VRK3: variants seen among roughly 807,000 people sequenced by gnomAD.
The protein encoded by VRK3 is serine/threonine-protein kinase VRK3.
In VRK3, 50 loss-of-function variants were observed where a neutral mutation model predicts 60.4. That is an observed-to-expected ratio of 0.83 (90% CI 0.66 to 1.05). VRK3 has a LOEUF of 1.05. Among genes scored for constraint, VRK3 ranks in the 50% least tolerant of loss-of-function variants. The pLI, the probability that VRK3 is intolerant of heterozygous loss-of-function variation, is 0.00. For missense variants in VRK3, 549 were observed against 585.3 expected (o/e 0.94, Z 0.64); for synonymous variants, 246 against 227.8 (o/e 1.08, Z -0.72).
intron 9 of VRK3, 68 bp downstream of exon 9, chr19:49,994,746 G>A: frequency 2.1e-6 from 3 of 1,420,314 alleles, no homozygotes; most frequent in South Asian, 1.2e-5. Context: ...AATGACTAAA[G>A]TGCCTGCTAA....
rs778325585 is a variant in VRK3, at chr19:49,979,084, T to G, written c.*10A>C. ...TTAAGCCTCACAAGCTCTTCCCACC[T>G]GGATTCCACCTAGGGCACCATCGGG... On this transcript the variant is annotated splice_region_variant and 3_prime_UTR_variant, in exon 14 of 15. Coordinates refer to ENST00000316763, the MANE Select transcript of VRK3 (RefSeq NM_016440.4). 6.3e-7 allele frequency: 1 copy of G among 1,598,562 alleles called. No individual in the cohort carries two copies. Among genetic ancestry groups the G allele is most frequent in the East Asian group, 2.2e-5 (1 of 44,668 alleles).
At chr19:50,001,253 G>A (rs1263363466) in intron 5 of VRK3, 2 of 182,386 alleles carry the variant, frequency 1.1e-5, no homozygotes, top group Non-Finnish European at 2.3e-5. Context: ...CAGACAGAGG[G>A]GGCCACATGA....
intron 1 of VRK3, among the ~76,000 whole-genome samples, chr19:50,022,302 C>T (rs2077183998): frequency 1.3e-5 from 2 of 152,322 alleles, no homozygotes; most frequent in Admixed American, 1.3e-4. Context: ...AGTCTTTTAA[C>T]CATGTGCCAC....
chr19:50,022,571 A>C (rs1330618690), intron 1 of VRK3, among the ~76,000 whole-genome samples: 1 of 151,892 alleles, frequency 6.6e-6, no homozygotes, highest in African/African-American at 2.4e-5. Flanking sequence ...GGATCACGTG[A>C]GGTTAGGAGT....
intron 3 of VRK3, 32 bp from the exon 4 acceptor site, chr19:50,009,417 G>A (rs767571347): frequency 6.2e-7 from 1 of 1,610,410 alleles, no homozygotes; most frequent in South Asian, 1.1e-5. Context: ...GCAGACTGGA[G>A]TTACAAAGGC....
At chr19:50,011,414 C>G (rs2076991906) in intron 3 of VRK3, among the ~76,000 whole-genome samples, 1 of 152,226 alleles carries the variant, frequency 6.6e-6, no homozygotes, top group African/African-American at 2.4e-5. Context: ...TTGACACTGA[C>G]TAACTCAGCC....
At chr19:50,009,776 G>A (rs987257982) in intron 3 of VRK3, among the ~76,000 whole-genome samples, 2 of 152,126 alleles carry the variant, frequency 1.3e-5, no homozygotes, top group African/African-American at 4.8e-5. Context: ...TAGGATTACA[G>A]GCATGCACCA....
chr19:49,976,968 G>A (rs1002121245), intron 14 of VRK3, among the ~76,000 whole-genome samples, 184 bp from the exon 15 acceptor site: 3 of 152,020 alleles, frequency 2.0e-5, no homozygotes, highest in African/African-American at 7.3e-5. Flanking sequence ...GGCGGGTGGA[G>A]ACTACACACT....
At chr19:49,977,634 A>C (rs1439107034) in intron 14 of VRK3, among the ~76,000 whole-genome samples, 2 of 152,114 alleles carry the variant, frequency 1.3e-5, no homozygotes, top group Admixed American at 1.3e-4. Flanking sequence ...GAAGACTGTG[A>C]CAAGTGACCC....
intron 12 of VRK3, among the ~76,000 whole-genome samples, chr19:49,983,196 T>G (rs2076453705): frequency 7.9e-6 from 1 of 126,750 alleles, no homozygotes; most frequent in African/African-American, 3.0e-5. Flanking sequence ...TCCCCACTCC[T>G]TCCTCCCATT....
At chr19:49,987,322 C>G (rs2076533058) in intron 12 of VRK3, among the ~76,000 whole-genome samples, 2 of 152,082 alleles carry the variant, frequency 1.3e-5, no homozygotes, top group South Asian at 2.1e-4. Context: ...TAGCACTTCC[C>G]TTTTGTGTCC....
chr19:50,020,913 C>T (rs1401837808), intron 1 of VRK3, among the ~76,000 whole-genome samples: 5 of 152,126 alleles, frequency 3.3e-5, no homozygotes, highest in Admixed American at 6.6e-5. Flanking sequence ...AGCAAGGAAC[C>T]GCTGAACAGG....
At chr19:50,006,576 C>T (rs1369018973) in intron 5 of VRK3, among the ~76,000 whole-genome samples, 2 of 151,988 alleles carry the variant, frequency 1.3e-5, no homozygotes, top group Non-Finnish European at 2.9e-5. Context: ...AGGGTTTCAC[C>T]GCGTTAGCCA....
chr19:50,006,985 C>T (rs2076902625), intron 5 of VRK3, among the ~76,000 whole-genome samples: 1 of 152,074 alleles, frequency 6.6e-6, no homozygotes, highest in African/African-American at 2.4e-5. Context: ...TGGTGTTGGC[C>T]CCTGTGCAGA....
intron 6 of VRK3, chr19:50,000,002 A>C (rs1368155251): frequency 6.6e-6 from 1 of 152,118 alleles, no homozygotes; most frequent in Non-Finnish European, 1.5e-5. Flanking sequence ...AGCAGGTGCT[A>C]CCCACCACTA....
chr19:50,019,165 TAAAAAAAAAAAAAAA>T (rs199546751), intron 2 of VRK3: 2 of 79,050 alleles, frequency 2.5e-5, no homozygotes, highest in Non-Finnish European at 5.4e-5. Context: ...ACTCCGTCTC[TAAAAAAAAAAAAAAA>T]AAAAAAAGAA....
At chr19:49,978,979 G>T in intron 14 of VRK3, 104 bp downstream of exon 14, 2 of 1,257,264 alleles carry the variant, frequency 1.6e-6, no homozygotes, top group East Asian at 2.6e-5. Context: ...GCTGGGCCCT[G>T]GTATGAACGT....
chr19:49,996,212 G>A (rs916525104), intron 7 of VRK3, among the ~76,000 whole-genome samples: 2 of 149,984 alleles, frequency 1.3e-5, no homozygotes, highest in East Asian at 3.9e-4. Context: ...CAGCCACCAC[G>A]CCCGGCCTTT....
Position 50,000,839 on chromosome 19 carries a change from G to A in VRK3, c.563C>T (p.Thr188Ile), listed in dbSNP as rs1352435027. 2 of 1,613,824 alleles carry A rather than the reference G, an allele frequency of 1.2e-6. No homozygotes were observed. The highest frequency in any genetic ancestry group is 1.3e-5 in the African/African-American group (1 of 74,908). The change falls in exon 6 of 15, where the codon ACC (threonine) becomes ATC (isoleucine). Residue 188 changes from threonine (T) to isoleucine (I), a missense_variant. Transcript: ENST00000316763. ...GILYEAAPTS[T>I]LTCDSGPQKQ... ...CTGTGGTCCTGAGTCACAGGTGAGGGTGGAGGTGGGTGCAGCTGTGGGGGA... is the reference window on the plus strand; with the variant it reads ...CTGTGGTCCTGAGTCACAGGTGAGGATGGAGGTGGGTGCAGCTGTGGGGGA...
Sources: allele counts gnomAD v4.1 joint callset (sites outside exome capture counted in the v4.1 genomes callset), GRCh38; gene constraint gnomAD v4.1.1; transcripts MANE v1.5; gene names NCBI Gene and HGNC (gene_info 2026-07-23, HGNC 2026-07-21).